PLEKHA8: variants seen among roughly 807,000 people sequenced by gnomAD.
PLEKHA8 encodes the protein pleckstrin homology domain containing A8.
In PLEKHA8, 36 loss-of-function variants were observed where a neutral mutation model predicts 68.2. The ratio of observed to expected loss-of-function variants is 0.53; its 90% CI spans 0.40 to 0.70. The LOEUF (loss-of-function observed/expected upper bound fraction) is 0.70. Among genes scored for constraint, PLEKHA8 ranks in the 30% least tolerant of loss-of-function variants. The pLI is 0.00. For missense variants in PLEKHA8, 505 were observed against 615.4 expected (o/e 0.82, Z 1.90); for synonymous variants, 211 against 216.1 (o/e 0.98, Z 0.20).
At chr7:30,039,497 A>G (rs1347355784) in intron 1 of PLEKHA8, among the ~76,000 whole-genome samples, 1 of 152,254 alleles carries the variant, frequency 6.6e-6, no homozygotes, top group Non-Finnish European at 1.5e-5. Context: ...CCTGGGCAAC[A>G]AGAGTGAAAC....
chr7:30,098,903 G>A (rs778359712), intron 13 of PLEKHA8, among the ~76,000 whole-genome samples: 12 of 152,140 alleles, frequency 7.9e-5, no homozygotes, highest in Non-Finnish European at 1.2e-4. Flanking sequence ...CGTCTTCTGC[G>A]TCGCTCACGC....
intron 13 of PLEKHA8, among the ~76,000 whole-genome samples, chr7:30,111,960 C>G (rs1796288883): frequency 6.6e-6 from 1 of 152,056 alleles, no homozygotes; most frequent in African/African-American, 2.4e-5. Context: ...ATCTAATGAT[C>G]TAGAAAGACT....
At chr7:30,068,539 A>G (rs1410611088) in intron 12 of PLEKHA8, among the ~76,000 whole-genome samples, 1 of 152,122 alleles carries the variant, frequency 6.6e-6, no homozygotes, top group Non-Finnish European at 1.5e-5. Context: ...CTGTTCATGT[A>G]TTTGACCACC....
chr7:30,054,058 T>A (rs144004765), intron 7 of PLEKHA8, among the ~76,000 whole-genome samples: 19 of 152,198 alleles, frequency 1.2e-4, no homozygotes, highest in Non-Finnish European at 2.5e-4. Context: ...TTTTTGTGGG[T>A]AGGAACGCTA....
At position 30,049,357 on chromosome 7, in the gene PLEKHA8, A is replaced by C. The variant is rs1792224075; in HGVS notation, c.572A>C (p.Gln191Pro). The C allele has an allele frequency of 6.2e-7, 1 of 1,614,128 alleles. No homozygotes were observed. Among genetic ancestry groups the C allele is most frequent in the Non-Finnish European group, 8.5e-7 (1 of 1,179,988 alleles). The change falls in exon 5 of 14, where the codon CAG (glutamine) becomes CCG (proline). Residue 191 changes from glutamine (Q) to proline (P), a missense_variant. Physicochemically the swap from Gln to Pro is moderately conservative, Grantham distance 76. Coordinates refer to ENST00000449726, the MANE Select transcript of PLEKHA8 (RefSeq NM_001197026.2). ...LLYRTPPGSP[Q>P]LAMLKSSKMK... ...TACCGCACTCCACCAGGATCACCTC[A>C]GCTGGCCATGCTCAAGTCCAGCAAG...
Position 30,067,850 on chromosome 7 carries a change from C to T in PLEKHA8, c.1300+5108C>T, listed in dbSNP as rs369657868. Among the ~76,000 whole-genome samples the T allele has an allele frequency of 1.4e-4, 21 of 152,150 alleles. 2 individuals are homozygous for T. Among genetic ancestry groups the T allele is most frequent in the East Asian group, 7.7e-4 (4 of 5,194 alleles). On this transcript the variant is annotated intron_variant, in intron 12 of 13. Coordinates refer to ENST00000449726, the MANE Select transcript of PLEKHA8 (RefSeq NM_001197026.2). ...TTAGCATTTCATTGTATGAATAGAC[C>T]ATGGTTTCGAAAAACTAATATACTG... is the stretch of plus-strand genomic sequence containing the variant.
intron 12 of PLEKHA8, among the ~76,000 whole-genome samples, chr7:30,073,611 G>A (rs1401854651): frequency 7.0e-6 from 1 of 141,876 alleles, no homozygotes; most frequent in Non-Finnish European, 1.5e-5. Flanking sequence ...CTTTTTTACT[G>A]CTTTAGATTT....
At chr7:30,063,232 A>T (rs1793579083) in intron 12 of PLEKHA8, among the ~76,000 whole-genome samples, 1 of 152,226 alleles carries the variant, frequency 6.6e-6, no homozygotes, top group Non-Finnish European at 1.5e-5. Context: ...TCATAAAGCC[A>T]AAATGGGATG....
chr7:30,094,167 G>A (rs1182637131), downstream of PLEKHA8, among the ~76,000 whole-genome samples: 2 of 152,038 alleles, frequency 1.3e-5, no homozygotes, highest in Non-Finnish European at 2.9e-5. Context: ...TCTTTAGACT[G>A]TTCATAAATG....
intron 13 of PLEKHA8, among the ~76,000 whole-genome samples, chr7:30,121,039 T>A (rs139225989): frequency 1.3e-5 from 2 of 151,914 alleles, no homozygotes; most frequent in African/African-American, 4.8e-5. Context: ...TTACGATTAA[T>A]CTATTTAATC....
intron 12 of PLEKHA8, 27 bp downstream of exon 12, chr7:30,062,769 T>C: frequency 6.4e-7 from 1 of 1,564,792 alleles, no homozygotes; most frequent in Admixed American, 1.7e-5. Flanking sequence ...TTTTGTTGAA[T>C]GAGTCAATAG....
chr7:30,116,253 C>CGTATACATGCATACATGTATGTAT (rs1796551575), intron 13 of PLEKHA8, among the ~76,000 whole-genome samples: 2 of 141,476 alleles, frequency 1.4e-5, no homozygotes, highest in East Asian at 4.4e-4. Context: ...TACATGTACA[C>CGTATACATGCATACATGTATGTAT]GTATACATGC....
Position 30,052,170 on chromosome 7 carries a change from T to C in PLEKHA8, c.639-539T>C, listed in dbSNP as rs998759512. On this transcript the variant is annotated intron_variant, in intron 6 of 13. Coordinates refer to ENST00000449726, the MANE Select transcript of PLEKHA8 (RefSeq NM_001197026.2). ...CTGATGCTGCTGGGGAGCAGGAAGA[T>C]TGGGACTGCTGAGGTGCTGGGAAAG... Among the ~76,000 whole-genome samples the C allele has an allele frequency of 9.9e-5, 15 of 152,202 alleles. No individual in the cohort carries two copies. The East Asian group carries it at 2.7e-3, about 27-fold the overall frequency.
At chr7:30,055,467 C>T (rs560697951) in intron 9 of PLEKHA8, 125 bp downstream of exon 9, 1 of 781,794 alleles carries the variant, frequency 1.3e-6, no homozygotes, top group African/African-American at 1.7e-5. Context: ...TTGTTCAAAT[C>T]ACCAGACACA....
rs1332185409 is a variant in PLEKHA8, at chr7:30,034,059, C to T, written c.40+5257C>T. On this transcript the variant is annotated intron_variant, in intron 1 of 13. Transcript: ENST00000449726. ...TTTTTTTTTGAGACAGAGTCTTACT[C>T]TGTCACCCAGGCTGGAGTGCAGTGG... Among the ~76,000 whole-genome samples the T allele has an allele frequency of 6.2e-5, 6 of 97,326 alleles. No homozygotes were observed. In the Admixed American group the frequency reaches 8.5e-4, roughly 14 times the overall value. The allele number at this position is 97,326 out of a possible 152,430, so 63.8% of individuals were successfully genotyped here. A position where few individuals can be genotyped will look rare whatever the true frequency, so the allele number is the denominator to read the frequency against.
At chr7:30,071,348 G>T (rs1794224753) in intron 12 of PLEKHA8, among the ~76,000 whole-genome samples, 1 of 152,110 alleles carries the variant, frequency 6.6e-6, no homozygotes, top group South Asian at 2.1e-4. Flanking sequence ...CATGCCATGA[G>T]CTCTCACAAC....
At chr7:30,066,263 C>T (rs983678345) in intron 12 of PLEKHA8, among the ~76,000 whole-genome samples, 2 of 152,106 alleles carry the variant, frequency 1.3e-5, no homozygotes, top group African/African-American at 4.8e-5. Context: ...GTCTTAATGG[C>T]CTTGGAAATA....
chr7:30,028,999 T>C (rs1421481397), intron 1 of PLEKHA8, among the ~76,000 whole-genome samples, 197 bp downstream of exon 1: 1 of 151,966 alleles, frequency 6.6e-6, no homozygotes, highest in African/African-American at 2.4e-5. Context: ...TCTCTTGGGG[T>C]TGGTTAAGAG....
chr7:30,050,707 A>C, intron 6 of PLEKHA8: 2 of 399,142 alleles, frequency 5.0e-6, no homozygotes. Context: ...GATGGATCTC[A>C]CCCATCACAT....
Sources: allele counts gnomAD v4.1 joint callset (sites outside exome capture counted in the v4.1 genomes callset), GRCh38; gene constraint gnomAD v4.1.1; transcripts MANE v1.5; gene names NCBI Gene and HGNC (gene_info 2026-07-23, HGNC 2026-07-21).